The following MADD variants were observed in gnomAD, a reference collection of about 807,000 sequenced individuals.
MADD encodes the protein MAP kinase activating death domain.
A neutral mutation model predicts 176.7 loss-of-function variants in MADD; 109 were observed. The ratio of observed to expected loss-of-function variants is 0.62; its 90% CI spans 0.53 to 0.72. The LOEUF (loss-of-function observed/expected upper bound fraction) is 0.72. Among genes scored for constraint, MADD ranks in the 30% least tolerant of loss-of-function variants. The pLI, the probability that MADD is intolerant of heterozygous loss-of-function variation, is 0.00. For missense variants in MADD, 1,914 were observed against 2,045.5 expected, an observed-to-expected ratio of 0.94 and a Z score of 1.24; for synonymous variants, 771 against 771.3, an observed-to-expected ratio of 1.00 and a Z score of 0.01.
intron 30 of MADD, chr11:47,324,852 C>G (rs1307697963): frequency 1.6e-6 from 1 of 630,680 alleles, no homozygotes; most frequent in Admixed American, 2.5e-5. Flanking sequence ...GGACTCCACA[C>G]AGTGTGAGTG....
intron 23 of MADD, chr11:47,309,019 C>T: frequency 6.2e-7 from 1 of 1,614,010 alleles, no homozygotes; most frequent in Non-Finnish European, 8.5e-7. Flanking sequence ...TTAGAGGATG[C>T]AGCTATGGAG....
At chr11:47,287,244 T>C (rs976037938) in intron 15 of MADD, among the ~76,000 whole-genome samples, 3 of 151,988 alleles carry the variant, frequency 2.0e-5, no homozygotes, top group Non-Finnish European at 4.4e-5. Context: ...ATCGCTTGAA[T>C]CCAGGAGGCG....
chr11:47,275,849 G>A, intron 3 of MADD, 50 bp from the exon 4 acceptor site: 1 of 1,523,160 alleles, frequency 6.6e-7, no homozygotes. Context: ...TTGCAGTAGG[G>A]TATCAGCTTC....
rs771177446 is a variant in MADD, at chr11:47,276,128, C to T, written c.889C>T (p.Leu297=). 11 of 1,614,244 alleles carry T rather than the reference C, an allele frequency of 6.8e-6. No individual in the cohort carries two copies. In the South Asian group the frequency reaches 7.7e-5, roughly 11 times the overall value. The change falls in exon 4 of 33, where the codon CTG becomes TTG. Residue 297 remains leucine, a synonymous_variant. Coordinates refer to ENST00000402192, the Ensembl canonical transcript of MADD. ...TCGATTCACCCTAGTGGATTTCCCA[C>T]TGCACCTTCCCTTGGAACTTCTAGG...
chr11:47,298,970 T>C (rs2075392042), intron 22 of MADD, among the ~76,000 whole-genome samples: 1 of 152,214 alleles, frequency 6.6e-6, no homozygotes, highest in Admixed American at 6.5e-5. Flanking sequence ...TTGGTTCCTT[T>C]GTCAAAAAAC....
chr11:47,279,993 C>G (rs1414153707), intron 7 of MADD, among the ~76,000 whole-genome samples: 2 of 152,066 alleles, frequency 1.3e-5, no homozygotes, highest in African/African-American at 2.4e-5. Flanking sequence ...TCACTTGAAC[C>G]CAGGAGGCAG....
At chr11:47,305,819 A>G (rs887555416) in intron 22 of MADD, among the ~76,000 whole-genome samples, 4 of 152,132 alleles carry the variant, frequency 2.6e-5, no homozygotes, top group Non-Finnish European at 4.4e-5. Context: ...GGCTAGGGCA[A>G]GGTATCTCAG....
chr11:47,294,305 G>C (rs1353090593), intron 20 of MADD, among the ~76,000 whole-genome samples: 1 of 150,682 alleles, frequency 6.6e-6, no homozygotes, highest in African/African-American at 2.5e-5. Flanking sequence ...CCGAGATTGT[G>C]CTGTTGCACT....
chr11:47,326,447 G>A (rs1454539844), intron 30 of MADD, 97 bp from the exon 34 acceptor site: 9 of 1,011,988 alleles, frequency 8.9e-6, no homozygotes, highest in African/African-American at 3.3e-5. Flanking sequence ...CAGAGGGTAC[G>A]GGCGGGCAGC....
chr11:47,326,587 G>T, intron 30 of MADD, 35 bp downstream of exon 34: 1 of 1,429,698 alleles, frequency 7.0e-7, no homozygotes, highest in Non-Finnish European at 9.2e-7. Context: ...GCTTCTTAGC[G>T]CTTTTGAGTT....
At chr11:47,324,514 T>A in exon 30 of MADD, 2 of 1,614,098 alleles carry the variant, frequency 1.2e-6, no homozygotes, top group East Asian at 4.5e-5. Context: ...ACCTGAAGAC[T>A]GGTGAGGGTG....
At chr11:47,285,034 G>C (rs1051006) in exon 13 of MADD, 5 of 1,613,854 alleles carry the variant, frequency 3.1e-6, no homozygotes, top group Non-Finnish European at 4.2e-6. Flanking sequence ...CAAATCGAAC[G>C]TGGACAGACG....
intron 31 of MADD, chr11:47,327,330 G>A: frequency 1.0e-6 from 1 of 988,426 alleles, no homozygotes; most frequent in Non-Finnish European, 1.2e-6. Context: ...CTGGGAGCCA[G>A]CGCTAGGGAG....
intron 9 of MADD, 62 bp from the exon 10 acceptor site, chr11:47,282,751 C>G: frequency 6.3e-7 from 1 of 1,598,746 alleles, no homozygotes; most frequent in Admixed American, 1.7e-5. Flanking sequence ...GCCTTTCTTT[C>G]AGGCGTTGCT....
chr11:47,293,823 C>T lies in MADD; in HGVS notation c.3302-60C>T, dbSNP rs534353285. 9.1e-5 allele frequency: 101 copies of T among 1,115,238 alleles called. 1 individual carries two copies. In the South Asian group the frequency reaches 1.2e-3, roughly 13 times the overall value. 69.1% of individuals were successfully genotyped at this position (1,115,238 alleles called of 1,614,324 possible). On this transcript the variant is annotated intron_variant, in intron 19 of 32. Transcript: ENST00000402192. ...AACAGCCTGTGCTGCCGTCCCACCC[C>T]CTTTACCAGCCTGCCCCTAGCCTTT... is the stretch of plus-strand genomic sequence containing the variant.
At chr11:47,284,806 G>C (rs1057280723) in intron 12 of MADD, 135 bp from the exon 13 acceptor site, 3 of 1,332,218 alleles carry the variant, frequency 2.3e-6, no homozygotes, top group African/African-American at 1.5e-5. Flanking sequence ...CAGAGAACGG[G>C]TGCTACAGAG....
At chr11:47,273,797 G>A (rs575307036) in intron 1 of MADD, 30 bp from the exon 2 acceptor site, 1 of 819,458 alleles carries the variant, frequency 1.2e-6, no homozygotes, top group East Asian at 2.6e-5. Flanking sequence ...GCACAGCAGT[G>A]GATCTTATCA....
rs779259988 is a variant in MADD at position 47,284,235 on chromosome 11, C to G, written c.1920C>G (p.Asp640Glu). The G allele has an allele frequency of 2.5e-6, 4 of 1,614,126 alleles. No homozygotes were observed. In the Admixed American group the frequency reaches 6.7e-5, roughly 27 times the overall value. Residue 640 changes from aspartate to glutamate, a missense_variant, in exon 11 of 33, where the codon GAC becomes GAG. Asp to Glu is a conservative substitution (Grantham distance 45). This residue lies in a region of MADD where 1,767 missense variants were observed against 1,836.0 expected (regional missense o/e 0.96). Coordinates refer to ENST00000402192, the Ensembl canonical transcript of MADD. ...GCTCTTCTTACTCCTCCCTTGGTGA[C>G]TTTGTCAGTGAAATGATGAAATGTG...
At chr11:47,309,330 C>T (rs1425880059) in exon 24 of MADD, 3 of 1,614,194 alleles carry the variant, frequency 1.9e-6, no homozygotes, top group Non-Finnish European at 1.7e-6. Context: ...GGGAAGATGC[C>T]TTCTTAGATG....
Sources: allele counts gnomAD v4.1 joint callset (sites outside exome capture counted in the v4.1 genomes callset), GRCh38; gene constraint gnomAD v4.1.1; regional missense constraint gnomAD v4.1.1; transcripts MANE v1.5; gene names NCBI Gene and HGNC (gene_info 2026-07-23, HGNC 2026-07-21).